ZNF728: variants seen among roughly 807,000 people sequenced by gnomAD.
The protein encoded by ZNF728 is zinc finger protein 728.
Under a neutral mutation model 12.5 loss-of-function variants are expected in ZNF728, and 12 were observed. That is an observed-to-expected ratio of 0.96 (90% CI 0.61 to 1.55). ZNF728 has a LOEUF of 1.55. Among genes scored for constraint, ZNF728 ranks in the 40% most tolerant of loss-of-function variants. ZNF728 has a pLI of 0.00. For missense variants in ZNF728, 692 were observed against 719.2 expected (o/e 0.96, Z 0.43); for synonymous variants, 205 against 240.7 (o/e 0.85, Z 1.37).
In ZNF728 at chr19:22,975,744, A is replaced by C; in HGVS notation, c.1593T>G (p.Thr531=). 1 of 1,611,808 alleles carries C rather than the reference A, an allele frequency of 6.2e-7. No individual in the cohort carries two copies. Among genetic ancestry groups the C allele is most frequent in the Non-Finnish European group, 8.5e-7 (1 of 1,179,876 alleles). The change falls in exon 4 of 4, where the codon ACT becomes ACG. Residue 531 remains threonine (T), a synonymous_variant. Coordinates refer to ENST00000594710, the MANE Select transcript of ZNF728 (RefSeq NM_001267716.2). ...ANLTKHKVIH[T]GEKQYKCEEC... ...CTTCACATTTGTATTGTTTCTCTCC[A>C]GTATGAATTACCTTATGTTTAGTAA...
At chr19:22,985,399 G>A (rs2145339979) in intron 3 of ZNF728, among the ~76,000 whole-genome samples, 1 of 152,234 alleles carries the variant, frequency 6.6e-6, no homozygotes, top group Admixed American at 6.5e-5. Flanking sequence ...CAGTAAGGTT[G>A]AAGAATTGCT....
In ZNF728 at chr19:22,976,065, G is replaced by T; in HGVS notation, c.1272C>A (p.Tyr424Ter). The change falls in exon 4 of 4, where the codon TAC becomes TAA. Residue 424 changes from tyrosine to a stop codon, truncating the protein, a stop_gained. Coordinates refer to ENST00000594710, the MANE Select transcript of ZNF728 (RefSeq NM_001267716.2). LOFTEE classifies it low-confidence loss of function (END_TRUNC). The stretch of plus-strand genomic sequence containing the variant: ...AGGCTTTGCCACATTCTTCACATTT[G>T]TAGGGTTTCTCTCCAGTATGAATTA... ...HKIIHTGEKP[Y>*]KCEECGKAFT... 3 of 1,606,138 alleles carry T rather than the reference G, an allele frequency of 1.9e-6. No individual in the cohort carries two copies. The highest frequency in any genetic ancestry group is 1.7e-6 in the Non-Finnish European group (2 of 1,175,502).
intron 1 of ZNF728, among the ~76,000 whole-genome samples, chr19:22,992,653 C>T (rs1969003453): frequency 1.3e-5 from 2 of 152,016 alleles, no homozygotes; most frequent in Admixed American, 1.3e-4. Context: ...ATTTTTTACC[C>T]GAGTACAGGG....
intron 1 of ZNF728, among the ~76,000 whole-genome samples, chr19:23,000,004 AT>A (rs921609107): frequency 6.6e-6 from 1 of 151,966 alleles, no homozygotes; most frequent in East Asian, 1.9e-4. Context: ...AATTTTTCTT[AT>A]TTTTTTTCCT....
chr19:22,993,162 G>A (rs1835886474), intron 1 of ZNF728, among the ~76,000 whole-genome samples: 2 of 152,170 alleles, frequency 1.3e-5, no homozygotes, highest in South Asian at 4.1e-4. Flanking sequence ...TCACATACCT[G>A]TGGCAGATTA....
intron 3 of ZNF728, among the ~76,000 whole-genome samples, chr19:22,978,642 C>T (rs577890430): frequency 3.9e-5 from 6 of 152,192 alleles, no homozygotes; most frequent in African/African-American, 1.2e-4. Context: ...GCCTGTGGGA[C>T]GAAGCTTCCA....
chr19:22,994,592 A>G (rs1418151838), intron 1 of ZNF728, among the ~76,000 whole-genome samples: 3 of 152,224 alleles, frequency 2.0e-5, no homozygotes, highest in Non-Finnish European at 2.9e-5. Flanking sequence ...AGTTCATCCT[A>G]AATTCATCTG....
At chr19:22,986,693 C>T (rs1174771447) in intron 3 of ZNF728, among the ~76,000 whole-genome samples, 10 of 148,892 alleles carry the variant, frequency 6.7e-5, no homozygotes, top group Non-Finnish European at 1.3e-4. Context: ...AATAAACTCT[C>T]TATCAATATT....
At chr19:22,987,196 C>T in intron 3 of ZNF728, 112 bp downstream of exon 3, 2 of 979,206 alleles carry the variant, frequency 2.0e-6, no homozygotes, top group Non-Finnish European at 2.8e-6. Flanking sequence ...AAAAATTAGG[C>T]TTTCCAGAAA....
chr19:22,997,731 A>ATT (rs1568278587), intron 1 of ZNF728, among the ~76,000 whole-genome samples: 8 of 151,622 alleles, frequency 5.3e-5, no homozygotes, highest in African/African-American at 1.9e-4. Context: ...ATCTATTTAA[A>ATT]AAAAAAAAAA....
At chr19:22,979,880 G>A (rs1274804356) in intron 3 of ZNF728, among the ~76,000 whole-genome samples, 2 of 152,008 alleles carry the variant, frequency 1.3e-5, no homozygotes, top group Non-Finnish European at 2.9e-5. Context: ...ACAAAGGAAC[G>A]ACTGGTACCA....
chr19:23,001,609 A>C (rs2145358105), intron 1 of ZNF728, among the ~76,000 whole-genome samples: 1 of 152,358 alleles, frequency 6.6e-6, no homozygotes, highest in South Asian at 2.1e-4. Context: ...ACATCTCCCT[A>C]TAAAGTTTCC....
intron 3 of ZNF728, among the ~76,000 whole-genome samples, chr19:22,981,704 G>T (rs548066095): frequency 6.6e-6 from 1 of 152,110 alleles, no homozygotes; most frequent in African/African-American, 2.4e-5. Context: ...TTCATCCCTG[G>T]GATGCAAGGC....
intron 1 of ZNF728, among the ~76,000 whole-genome samples, chr19:23,000,948 C>A (rs1409704584): frequency 1.3e-5 from 2 of 149,850 alleles, no homozygotes; most frequent in Non-Finnish European, 3.0e-5. Context: ...TGTCAAGGTA[C>A]GGATATGTCT....
At chr19:22,998,851 A>G (rs1969077111) in intron 1 of ZNF728, among the ~76,000 whole-genome samples, 1 of 152,124 alleles carries the variant, frequency 6.6e-6, no homozygotes, top group Admixed American at 6.5e-5. Context: ...CTTAGATGGT[A>G]CTCTCTTTAC....
At chr19:22,980,334 T>A (rs1217450510) in intron 3 of ZNF728, among the ~76,000 whole-genome samples, 1 of 151,934 alleles carries the variant, frequency 6.6e-6, no homozygotes, top group African/African-American at 2.4e-5. Flanking sequence ...GAGCTAACTA[T>A]CCTAAATATG....
At chr19:22,977,143 CTTA>C in intron 3 of ZNF728, 33 bp from the exon 4 acceptor site, 1 of 1,484,248 alleles carries the variant, frequency 6.7e-7, no homozygotes, top group Non-Finnish European at 8.9e-7. Flanking sequence ...AATTAGTCCA[CTTA>C]TTAGATAAAT....
At chr19:22,998,957 AC>A (rs1270591759) in intron 1 of ZNF728, among the ~76,000 whole-genome samples, 1 of 152,188 alleles carries the variant, frequency 6.6e-6, no homozygotes, top group Admixed American at 6.5e-5. Context: ...AACATAAAAT[AC>A]TTCTTAATCA....
chr19:23,002,634 T>C (rs1043241516), intron 1 of ZNF728, among the ~76,000 whole-genome samples: 6 of 152,180 alleles, frequency 3.9e-5, no homozygotes, highest in African/African-American at 1.4e-4. Context: ...CTGCAAATTT[T>C]TAATAGGAGA....
Sources: gnomAD v4.1 joint callset for allele counts (sites outside exome capture counted in the v4.1 genomes callset) on GRCh38, gnomAD v4.1.1 for gene constraint, MANE v1.5 for transcripts, NCBI Gene and HGNC (gene_info 2026-07-23, HGNC 2026-07-21) for gene names.